TFEC: variants seen among roughly 807,000 people sequenced by gnomAD.
TFEC encodes transcription factor EC, also known as class E basic helix-loop-helix protein 34.
In TFEC, 31 loss-of-function variants were observed where a neutral mutation model predicts 41.6. The observed-to-expected ratio is 0.74, with a 90% CI of 0.56 to 1.01. The LOEUF (loss-of-function observed/expected upper bound fraction) is 1.01, where lower values mean the gene tolerates loss of function less well. TFEC is among the 50% of genes least tolerant of loss of function. The probability of loss-of-function intolerance (pLI) is 0.00; values close to 1 mark genes in which losing one functional copy is unlikely to be tolerated. For missense variants in TFEC, 402 were observed against 404.1 expected (o/e 0.99, Z 0.04); for synonymous variants, 143 against 140.6 (o/e 1.02, Z -0.12).
chr7:116,110,001 T>C (rs577154344), intron 3 of TFEC, among the ~76,000 whole-genome samples: 1 of 152,196 alleles, frequency 6.6e-6, no homozygotes, highest in South Asian at 2.1e-4. Flanking sequence ...CCGCATGTTC[T>C]CACTCATAGG....
chr7:116,032,519 A>G (rs1450654718), upstream of TFEC, among the ~76,000 whole-genome samples: 1 of 152,188 alleles, frequency 6.6e-6, no homozygotes, highest in Non-Finnish European at 1.5e-5. Context: ...GAATGAGATC[A>G]TGTCCTTTGC....
chr7:116,089,642 G>C (rs987697541), intron 3 of TFEC, among the ~76,000 whole-genome samples: 5 of 151,854 alleles, frequency 3.3e-5, no homozygotes, highest in Non-Finnish European at 7.4e-5. Flanking sequence ...CTCATATAAG[G>C]CAGCTTGCTT....
chr7:116,111,006 A>G, intron 2 of TFEC: 1 of 674,804 alleles, frequency 1.5e-6, no homozygotes, highest in South Asian at 4.5e-5. Context: ...TACATACTAT[A>G]AAATAAATTT....
intron 2 of TFEC, among the ~76,000 whole-genome samples, chr7:115,983,583 A>C (rs1793722743): frequency 6.6e-6 from 1 of 152,268 alleles, no homozygotes; most frequent in African/African-American, 2.4e-5. Flanking sequence ...GAAACATTAA[A>C]GGAAGTCTTT....
In TFEC at chr7:115,936,529, A is replaced by C. The variant is rs1793236315; in HGVS notation, c.*4022T>G. The stretch of plus-strand genomic sequence containing the variant: ...GAATAGGGTCAAAGACATTGTAAAA[A>C]AATTTGGAACACTTAGTTATGCCAT... On this transcript the variant is annotated 3_prime_UTR_variant, in exon 8 of 8. Coordinates refer to ENST00000265440, the MANE Select transcript of TFEC (RefSeq NM_012252.4). The C allele has an allele frequency of 1.3e-5, 2 of 151,702 alleles. No homozygotes were observed. The highest frequency in any genetic ancestry group is 4.1e-4 in the South Asian group (2 of 4,826). 9.4% of individuals were successfully genotyped at this position (151,702 alleles called of 1,614,324 possible).
At chr7:116,080,411 A>G (rs1056772292) in intron 3 of TFEC, among the ~76,000 whole-genome samples, 4 of 152,194 alleles carry the variant, frequency 2.6e-5, no homozygotes, top group African/African-American at 9.6e-5. Flanking sequence ...AAATCTTTAC[A>G]ATGTATGCAC....
chr7:116,096,700 T>C (rs762986433), intron 3 of TFEC, among the ~76,000 whole-genome samples: 4 of 152,206 alleles, frequency 2.6e-5, no homozygotes, highest in East Asian at 1.9e-4. Flanking sequence ...TCTTTTTTCA[T>C]GAGCTTGTAA....
intron 1 of TFEC, among the ~76,000 whole-genome samples, chr7:116,129,120 T>A (rs115359738): frequency 3.3e-5 from 5 of 152,204 alleles, no homozygotes; most frequent in African/African-American, 1.2e-4. Context: ...ACCAGAAATC[T>A]ACTATCATTG....
intron 3 of TFEC, among the ~76,000 whole-genome samples, chr7:116,065,060 T>C (rs184893968): frequency 1.3e-5 from 2 of 152,234 alleles, no homozygotes; most frequent in East Asian, 3.9e-4. Flanking sequence ...CCAGTTCTAT[T>C]CTCCAGAATA....
At chr7:115,951,716 T>G (rs1791952984) in intron 5 of TFEC, among the ~76,000 whole-genome samples, 1 of 152,054 alleles carries the variant, frequency 6.6e-6, no homozygotes, top group Non-Finnish European at 1.5e-5. Flanking sequence ...CTGATACTGT[T>G]TTTGTGGGGC....
At chr7:116,089,038 A>G (rs1797265068) in intron 3 of TFEC, among the ~76,000 whole-genome samples, 1 of 152,114 alleles carries the variant, frequency 6.6e-6, no homozygotes, top group Non-Finnish European at 1.5e-5. Flanking sequence ...TCACCCAACC[A>G]TCAATTCACT....
rs193121392 is a variant in TFEC at position 116,156,399 on chromosome 7, A to G, written c.-69+3391T>C. 1.6e-3 allele frequency among the ~76,000 whole-genome samples: 239 copies of G among 152,342 alleles called. 2 individuals are homozygous for G. Among genetic ancestry groups the G allele is most frequent in the Non-Finnish European group, 5.7e-4 (39 of 68,034 alleles). Reference sequence around the variant, plus strand: ...ATAAAAAATCTATTTTTTTAAAATAACCTTCATATCAGTCCTACTTCTAAG... The same window carrying G: ...ATAAAAAATCTATTTTTTTAAAATAGCCTTCATATCAGTCCTACTTCTAAG... On this transcript the variant is annotated intron_variant, in intron 1 of 8. Coordinates refer to the TFEC transcript ENST00000484212.
intron 1 of TFEC, among the ~76,000 whole-genome samples, chr7:116,143,947 C>T (rs777653296): frequency 3.4e-4 from 51 of 152,016 alleles, no homozygotes; most frequent in Non-Finnish European, 6.2e-4. Context: ...TCGCCGAGCG[C>T]GGTGGCTCAC....
chr7:116,059,512 G>A (rs118062806), intron 3 of TFEC, among the ~76,000 whole-genome samples: 1,838 of 151,894 alleles, frequency 0.012, 18 homozygotes, highest in Non-Finnish European at 0.019. Context: ...GTATTGCCCT[G>A]AACCAAAACC....
rs528592746 is a variant in TFEC, at chr7:115,973,390, T to A, written c.267+780A>T. 1.8e-4 allele frequency among the ~76,000 whole-genome samples: 27 copies of A among 152,150 alleles called. 1 individual carries two copies. The East Asian group carries it at 2.7e-3, about 15-fold the overall frequency. ...CAATATAGTCAGAATTCACTTTTTT[T>A]AAATTAAATATTTAAAGTAACAATT... On this transcript the variant is annotated intron_variant, in intron 3 of 7. Transcript: ENST00000265440.
Position 116,133,817 on chromosome 7 carries a change from G to A in TFEC, c.-68-21779C>T, listed in dbSNP as rs1798381837. On this transcript the variant is annotated intron_variant, in intron 1 of 8. Transcript: ENST00000484212. Reference sequence around the variant, plus strand: ...CTTTATGAATAGCAGCTTTTTAGATGCCTAAGACATCTTTAAGATTAGAGA... The same window carrying A: ...CTTTATGAATAGCAGCTTTTTAGATACCTAAGACATCTTTAAGATTAGAGA... Among the ~76,000 whole-genome samples, 3 of 152,126 alleles carry A rather than the reference G, an allele frequency of 2.0e-5. No individual in the cohort carries two copies. The South Asian group carries it at 6.2e-4, about 31-fold the overall frequency.
In TFEC at chr7:115,940,373, C is replaced by T. The variant is rs1793426264; in HGVS notation, c.*178G>A. The T allele has an allele frequency of 1.1e-5, 7 of 654,690 alleles. No homozygotes were observed. The highest frequency in any genetic ancestry group is 1.2e-5 in the Non-Finnish European group (5 of 417,436). 40.6% of individuals were successfully genotyped at this position (654,690 alleles called of 1,614,324 possible). On this transcript the variant is annotated 3_prime_UTR_variant, in exon 8 of 8. Transcript: ENST00000265440. ...CACCTTTTTTTCGCCCTCAATAATT[C>T]ATTAACACTATGATTTTTCTTCCTG... is the stretch of plus-strand genomic sequence containing the variant.
chr7:115,969,058 G>T (rs1793009224), intron 3 of TFEC, among the ~76,000 whole-genome samples: 2 of 151,652 alleles, frequency 1.3e-5, no homozygotes, highest in South Asian at 4.2e-4. Context: ...ACTGCAACAA[G>T]AATAAAGTAT....
At chr7:115,984,124 G>T (rs563928081) in intron 2 of TFEC, 138 bp downstream of exon 2, 86 of 1,092,792 alleles carry the variant, frequency 7.9e-5, no homozygotes, top group Non-Finnish European at 1.1e-4. Context: ...AATAAATAGA[G>T]AATAATTAAT....
Sources: allele counts gnomAD v4.1 joint callset (sites outside exome capture counted in the v4.1 genomes callset), GRCh38; gene constraint gnomAD v4.1.1; transcripts MANE v1.5; gene names NCBI Gene and HGNC (gene_info 2026-07-23, HGNC 2026-07-21).